The following LRMDA variants were observed in gnomAD, a reference collection of about 807,000 sequenced individuals.
LRMDA encodes leucine-rich melanocyte differentiation-associated protein.
A neutral mutation model predicts 29.8 loss-of-function variants in LRMDA; 18 were observed. The ratio of observed to expected loss-of-function variants is 0.60; its 90% CI spans 0.42 to 0.90. The LOEUF is 0.90. Ranked by LOEUF, LRMDA falls within the 40% of genes least tolerant of loss-of-function variation. The pLI is 0.00. For missense variants in LRMDA, 273 were observed against 273.9 expected, an observed-to-expected ratio of 1.00 and a Z score of 0.02; for synonymous variants, 125 against 109.4, an observed-to-expected ratio of 1.14 and a Z score of -0.89.
At chr10:75,974,752 A>G (rs1847040470) in intron 2 of LRMDA, among the ~76,000 whole-genome samples, 1 of 152,220 alleles carries the variant, frequency 6.6e-6, no homozygotes, top group African/African-American at 2.4e-5. Context: ...TATGCTCCTA[A>G]CTGCCATCCT....
intron 5 of LRMDA, among the ~76,000 whole-genome samples, chr10:76,222,183 CA>C (rs1851855580): frequency 6.6e-6 from 1 of 152,116 alleles, no homozygotes; most frequent in African/African-American, 2.4e-5. Context: ...AAAACCTAGG[CA>C]TTACCATTCA....
intron 2 of LRMDA, among the ~76,000 whole-genome samples, chr10:75,899,010 T>C (rs1845628844): frequency 1.3e-5 from 2 of 152,202 alleles, no homozygotes; most frequent in African/African-American, 4.8e-5. Flanking sequence ...GCTCTATACC[T>C]GGCCCTATGC....
chr10:75,604,935 A>G (rs1840936976), intron 2 of LRMDA, among the ~76,000 whole-genome samples: 1 of 152,172 alleles, frequency 6.6e-6, no homozygotes, highest in African/African-American at 2.4e-5. Context: ...GACATACTGA[A>G]GACCACCGCA....
intron 6 of LRMDA, among the ~76,000 whole-genome samples, chr10:76,442,354 C>T (rs1842312432): frequency 6.6e-6 from 1 of 152,190 alleles, no homozygotes; most frequent in South Asian, 2.1e-4. Context: ...AACCTTGCTT[C>T]TCCTCTCAGA....
chr10:75,639,166 G>A (rs1156455997), intron 2 of LRMDA, among the ~76,000 whole-genome samples: 3 of 152,188 alleles, frequency 2.0e-5, no homozygotes, highest in South Asian at 2.1e-4. Context: ...CCTGTGATAC[G>A]TAAACTTAAA....
intron 2 of LRMDA, among the ~76,000 whole-genome samples, chr10:75,621,214 A>ACACACACACACCCACACACC (rs1841179354): frequency 7.9e-6 from 1 of 127,360 alleles, no homozygotes; most frequent in Non-Finnish European, 1.8e-5. Context: ...ACACACACAC[A>ACACACACACACCCACACACC]CACACACACA....
chr10:76,150,877 A>T (rs913880976), intron 5 of LRMDA, among the ~76,000 whole-genome samples: 1 of 152,214 alleles, frequency 6.6e-6, no homozygotes, highest in Non-Finnish European at 1.5e-5. Flanking sequence ...TGCTGCATCC[A>T]CTGAGACGCA....
At chr10:75,438,342 C>A in intron 1 of LRMDA, 52 bp from the exon 2 acceptor site, 2 of 1,373,968 alleles carry the variant, frequency 1.5e-6, no homozygotes, top group Non-Finnish European at 2.0e-6. Context: ...GGGTTGGGAG[C>A]AGCTGGGTGA....
intron 6 of LRMDA, among the ~76,000 whole-genome samples, chr10:76,391,537 A>G (rs1405881008): frequency 1.3e-5 from 2 of 152,202 alleles, no homozygotes; most frequent in Non-Finnish European, 2.9e-5. Context: ...GCCAAGATCC[A>G]TTATGTCTGG....
chr10:76,286,659 G>T (rs1840275231), intron 5 of LRMDA, among the ~76,000 whole-genome samples: 1 of 152,134 alleles, frequency 6.6e-6, no homozygotes, highest in South Asian at 2.1e-4. Context: ...CAAAGATTCT[G>T]CCAAACACTT....
chr10:76,319,203 C>G (rs566562805), intron 5 of LRMDA: 1 of 152,222 alleles, frequency 6.6e-6, no homozygotes, highest in African/African-American at 2.4e-5. Flanking sequence ...GCCACTGCGC[C>G]CAGCCCATGG....
intron 2 of LRMDA, among the ~76,000 whole-genome samples, chr10:75,871,101 C>G (rs1298864957): frequency 6.6e-6 from 1 of 152,188 alleles, no homozygotes; most frequent in Non-Finnish European, 1.5e-5. Context: ...CCCAGGCTAG[C>G]CAATGACCAT....
chr10:76,313,682 A>T (rs1371466216), intron 5 of LRMDA, among the ~76,000 whole-genome samples: 2 of 152,224 alleles, frequency 1.3e-5, no homozygotes, highest in East Asian at 3.8e-4. Context: ...TGGGAAAAAA[A>T]GTGTGTGTGT....
At chr10:75,922,430 G>A (rs185827798) in intron 2 of LRMDA, among the ~76,000 whole-genome samples, 8 of 152,302 alleles carry the variant, frequency 5.3e-5, no homozygotes, top group Admixed American at 5.2e-4. Flanking sequence ...AAAAAGTATG[G>A]ATCTGTCCTT....
intron 2 of LRMDA, among the ~76,000 whole-genome samples, chr10:75,502,298 CT>C: frequency 6.6e-6 from 1 of 152,322 alleles, no homozygotes; most frequent in East Asian, 1.9e-4. Flanking sequence ...AGCCCTGTGG[CT>C]TCTGCAACAC....
intron 5 of LRMDA, among the ~76,000 whole-genome samples, chr10:76,211,146 G>T (rs1029349613): frequency 4.6e-5 from 7 of 152,022 alleles, no homozygotes; most frequent in Non-Finnish European, 1.0e-4. Flanking sequence ...CCATGTCTTT[G>T]CTCATCTTGG....
At chr10:75,433,869 T>C (rs1844234689) in intron 1 of LRMDA, among the ~76,000 whole-genome samples, 1 of 152,170 alleles carries the variant, frequency 6.6e-6, no homozygotes, top group Non-Finnish European at 1.5e-5. Flanking sequence ...TTAAACAATT[T>C]AATGAGATGA....
chr10:75,756,448 C>G (rs1483537222), intron 2 of LRMDA, among the ~76,000 whole-genome samples: 2 of 152,154 alleles, frequency 1.3e-5, no homozygotes, highest in Non-Finnish European at 2.9e-5. Context: ...TGATGACCTC[C>G]TGGAGATCCC....
At chr10:75,921,595 G>T (rs7069506) in intron 2 of LRMDA, among the ~76,000 whole-genome samples, 1,577 of 152,266 alleles carry the variant, frequency 0.01, 29 homozygotes, top group African/African-American at 0.035. Flanking sequence ...GTAGAAAAAA[G>T]CTTTGTGTTT....
Sources: gnomAD v4.1 joint callset for allele counts (sites outside exome capture counted in the v4.1 genomes callset) on GRCh38, gnomAD v4.1.1 for gene constraint, MANE v1.5 for transcripts, NCBI Gene and HGNC (gene_info 2026-07-23, HGNC 2026-07-21) for gene names.